Variants in SORT1 observed in about 807,000 individuals in gnomAD.
SORT1 encodes the protein sortilin 1.
SORT1 carries 39 observed loss-of-function variants against 101.7 expected under a neutral mutation model. The observed-to-expected ratio is 0.38, with a 90% CI of 0.30 to 0.50. The LOEUF (loss-of-function observed/expected upper bound fraction) is 0.50. Ranked by LOEUF, SORT1 falls within the 20% of genes least tolerant of loss-of-function variation. The pLI, the probability that SORT1 is intolerant of heterozygous loss-of-function variation, is 0.90. For synonymous variants in SORT1, 396 were observed against 393.7 expected, an observed-to-expected ratio of 1.01 and a Z score of -0.07; for missense variants, 878 against 1,040.4, an observed-to-expected ratio of 0.84 and a Z score of 2.15.
At chr1:109,334,314 A>G (rs1170854157) in intron 11 of SORT1, among the ~76,000 whole-genome samples, 1 of 152,236 alleles carries the variant, frequency 6.6e-6, no homozygotes, top group Admixed American at 6.5e-5. Flanking sequence ...AAGCGTCTAC[A>G]GATGGATGAA....
intron 3 of SORT1, among the ~76,000 whole-genome samples, chr1:109,358,123 G>A (rs1294803111): frequency 2.0e-5 from 3 of 152,150 alleles, no homozygotes; most frequent in African/African-American, 7.2e-5. Context: ...AAACCAGCAT[G>A]AGCAAAACAA....
Position 109,342,076 on chromosome 1 carries a change from T to C in SORT1, c.1046A>G (p.Gln349Arg), listed in dbSNP as rs1381136704. 6.2e-7 allele frequency: 1 copy of C among 1,613,704 alleles called. No homozygotes were observed. Among genetic ancestry groups the C allele is most frequent in the African/African-American group, 1.3e-5 (1 of 74,944 alleles). The change falls in exon 9 of 20, where the codon CAG becomes CGG. Residue 349 changes from glutamine to arginine, a missense_variant. This residue lies in a region of SORT1 where 684 missense variants were observed against 894.5 expected (regional missense o/e 0.76). Transcript: ENST00000256637. ...MAQLPSVGQE[Q>R]FYSILAANDD... ...ATTTGCTGCCAGAATAGAATAGAACTGTTCCTGTCCCACGGAGGGGAGCTG... is the reference window on the plus strand; with the variant it reads ...ATTTGCTGCCAGAATAGAATAGAACCGTTCCTGTCCCACGGAGGGGAGCTG...
intron 17 of SORT1, among the ~76,000 whole-genome samples, chr1:109,316,281 G>A (rs1040092190): frequency 6.6e-6 from 1 of 151,222 alleles, no homozygotes; most frequent in African/African-American, 2.4e-5. Flanking sequence ...GTAGCAGCAC[G>A]ATCTCGGCTC....
At chr1:109,324,222 G>A (rs12136140) in intron 14 of SORT1, among the ~76,000 whole-genome samples, 98,267 of 151,754 alleles carry the variant, frequency 0.65, 33,659 homozygotes, top group East Asian at 0.96. Flanking sequence ...TCTTCCTCTC[G>A]GGTTCAAATG....
At chr1:109,326,205 G>A (rs1405194432) in intron 13 of SORT1, among the ~76,000 whole-genome samples, 1 of 147,380 alleles carries the variant, frequency 6.8e-6, no homozygotes. Context: ...GCACCACCAC[G>A]CCCAGCTAAT....
rs755932481 is a variant in SORT1 at position 109,326,969 on chromosome 1, G to A, written c.1643+23C>T. The A allele has an allele frequency of 1.9e-6, 3 of 1,587,540 alleles. No individual in the cohort carries two copies. In the Admixed American group the frequency reaches 5.1e-5, roughly 27 times the overall value. The stretch of plus-strand genomic sequence containing the variant: ...CAGTTGCCCTCTATGCAGACAGTGT[G>A]TGTGAGATGAGTTCATGCATACTTA... On this transcript the variant is annotated intron_variant, in intron 13 of 19. Coordinates refer to ENST00000256637, the MANE Select transcript of SORT1 (RefSeq NM_002959.7).
At position 109,313,287 on chromosome 1, in the gene SORT1, T is replaced by C. The variant is rs1658831702; in HGVS notation, c.*756A>G. The C allele has an allele frequency of 6.5e-6, 1 of 152,740 alleles. No individual in the cohort carries two copies. Among genetic ancestry groups the C allele is most frequent in the African/African-American group, 2.4e-5 (1 of 41,458 alleles). The allele number at this position is 152,740 out of a possible 1,614,324, so 9.5% of individuals were successfully genotyped here. A position where few individuals can be genotyped will look rare whatever the true frequency, so the allele number is the denominator to read the frequency against. The stretch of plus-strand genomic sequence containing the variant: ...GTTCTCTTTTAATAGGTGCTATATC[T>C]AGTCAATTCTCTGCTGCTCCCTTCT... On this transcript the variant is annotated 3_prime_UTR_variant, in exon 20 of 20. Transcript: ENST00000256637.
chr1:109,376,903 G>A (rs17646731), intron 1 of SORT1, among the ~76,000 whole-genome samples: 6,943 of 152,172 alleles, frequency 0.046, 190 homozygotes, highest in Non-Finnish European at 0.062. Context: ...TTTCAAAAAG[G>A]AAAAGTTCTG....
At chr1:109,318,410 A>G (rs903995367) in intron 15 of SORT1, among the ~76,000 whole-genome samples, 6 of 152,208 alleles carry the variant, frequency 3.9e-5, no homozygotes, top group South Asian at 4.1e-4. Context: ...TCGGCCTCCA[A>G]AAGTGCTGGG....
intron 15 of SORT1, among the ~76,000 whole-genome samples, chr1:109,322,161 C>A (rs1344850623): frequency 6.6e-6 from 1 of 151,532 alleles, no homozygotes; most frequent in African/African-American, 2.4e-5. Flanking sequence ...TGGTCTCAAA[C>A]TCCTGAGTTT....
At chr1:109,355,562 C>G (rs1650250283) in intron 3 of SORT1, 93 bp from the exon 4 acceptor site, 1 of 665,804 alleles carries the variant, frequency 1.5e-6, no homozygotes, top group African/African-American at 1.8e-5. Flanking sequence ...TTCCACCAAT[C>G]ATGCTGAGAG....
At chr1:109,355,653 C>CG (rs1302254025) in intron 3 of SORT1, among the ~76,000 whole-genome samples, 184 bp from the exon 4 acceptor site, 8 of 139,150 alleles carry the variant, frequency 5.7e-5, no homozygotes, top group Non-Finnish European at 1.1e-4. Context: ...CCGCCCCCCC[C>CG]CCCACAAACC....
intron 5 of SORT1, among the ~76,000 whole-genome samples, chr1:109,353,530 A>G (rs928111981): frequency 6.6e-6 from 1 of 151,746 alleles, no homozygotes; most frequent in African/African-American, 2.4e-5. Flanking sequence ...TTGGACCCCA[A>G]AACAGTCAGT....
chr1:109,356,546 G>A (rs1227503653), intron 3 of SORT1, among the ~76,000 whole-genome samples: 1 of 152,126 alleles, frequency 6.6e-6, no homozygotes, highest in African/African-American at 2.4e-5. Flanking sequence ...TATGCAAAGT[G>A]CTCCCAAAGG....
intron 13 of SORT1, among the ~76,000 whole-genome samples, chr1:109,326,026 T>A (rs995130995): frequency 4.7e-5 from 7 of 149,458 alleles, no homozygotes; most frequent in African/African-American, 1.7e-4. Context: ...TAAATAACAA[T>A]CAAATTATTT....
chr1:109,389,441 A>G (rs1033842320), intron 1 of SORT1, among the ~76,000 whole-genome samples: 1 of 152,184 alleles, frequency 6.6e-6, no homozygotes, highest in Non-Finnish European at 1.5e-5. Flanking sequence ...CACTCCTATG[A>G]AACACTTCCA....
intron 9 of SORT1, among the ~76,000 whole-genome samples, chr1:109,341,352 GT>G (rs57784152): frequency 2.9e-4 from 42 of 146,202 alleles, no homozygotes; most frequent in Non-Finnish European, 2.9e-4. Flanking sequence ...ATGCCCCTAA[GT>G]TTTTTTTTTT....
chr1:109,317,019 T>C (rs1426988565), intron 16 of SORT1, 61 bp from the exon 17 acceptor site: 3 of 1,082,478 alleles, frequency 2.8e-6, no homozygotes, highest in Non-Finnish European at 4.1e-6. Flanking sequence ...TACCTGCCTA[T>C]TTCTTGGAAA....
intron 9 of SORT1, 89 bp downstream of exon 9, chr1:109,341,925 G>C: frequency 8.0e-7 from 1 of 1,257,542 alleles, no homozygotes; most frequent in South Asian, 1.2e-5. Context: ...ATTTCTAGGG[G>C]TAAGAGGAAA....
Sources: allele counts gnomAD v4.1 joint callset (sites outside exome capture counted in the v4.1 genomes callset), GRCh38; gene constraint gnomAD v4.1.1; regional missense constraint gnomAD v4.1.1; transcripts MANE v1.5; gene names NCBI Gene and HGNC (gene_info 2026-07-23, HGNC 2026-07-21).